Variants in GRIA4 observed in about 807,000 individuals in gnomAD.
The protein encoded by GRIA4 is glutamate ionotropic receptor AMPA type subunit 4.
A neutral mutation model predicts 104.0 loss-of-function variants in GRIA4; 34 were observed. That is an observed-to-expected ratio of 0.33 (90% CI 0.25 to 0.44). The LOEUF is 0.44. Among genes scored for constraint, GRIA4 ranks in the 20% least tolerant of loss-of-function variants. The pLI, the probability that GRIA4 is intolerant of heterozygous loss-of-function variation, is 1.00. For missense variants in GRIA4, 750 were observed against 1,096.5 expected (o/e 0.68, Z 4.46); for synonymous variants, 386 against 381.9 (o/e 1.01, Z -0.13).
chr11:105,917,530 A>C (rs777035060), intron 10 of GRIA4, among the ~76,000 whole-genome samples: 7 of 152,204 alleles, frequency 4.6e-5, no homozygotes, highest in Non-Finnish European at 1.0e-4. Flanking sequence ...CCCAATTATG[A>C]ACTTTCTGGG....
intron 4 of GRIA4, among the ~76,000 whole-genome samples, chr11:105,773,501 AAT>A (rs1250031156): frequency 6.6e-6 from 1 of 152,198 alleles, no homozygotes; most frequent in Non-Finnish European, 1.5e-5. Flanking sequence ...AGAGTTTTAA[AAT>A]ATTACCCTTG....
intron 11 of GRIA4, among the ~76,000 whole-genome samples, chr11:105,919,928 A>G (rs1947513438): frequency 6.6e-6 from 1 of 152,146 alleles, no homozygotes; most frequent in African/African-American, 2.4e-5. Context: ...CTTCTTCAGA[A>G]AACAATAAAG....
At chr11:105,630,928 T>C (rs1273972427) in intron 3 of GRIA4, among the ~76,000 whole-genome samples, 1 of 152,162 alleles carries the variant, frequency 6.6e-6, no homozygotes, top group African/African-American at 2.4e-5. Flanking sequence ...TTATGTCTCA[T>C]GTGGATAATT....
intron 3 of GRIA4, among the ~76,000 whole-genome samples, chr11:105,628,144 G>A (rs551460216): frequency 6.6e-5 from 10 of 152,120 alleles, no homozygotes; most frequent in African/African-American, 2.4e-4. Flanking sequence ...AAAATACAGT[G>A]AGATAGTAAC....
chr11:105,746,479 T>C (rs963004767), intron 3 of GRIA4, among the ~76,000 whole-genome samples: 7 of 151,838 alleles, frequency 4.6e-5, no homozygotes, highest in African/African-American at 1.5e-4. Flanking sequence ...GTTAATTCAG[T>C]TTAAAGGAAT....
chr11:105,708,403 C>T (rs1433684520), intron 3 of GRIA4, among the ~76,000 whole-genome samples: 1 of 151,906 alleles, frequency 6.6e-6, no homozygotes, highest in Non-Finnish European at 1.5e-5. Flanking sequence ...ATAACATTTC[C>T]TCCATAAAAA....
chr11:105,962,914 C>T (rs1158259838), intron 14 of GRIA4, among the ~76,000 whole-genome samples: 1 of 152,098 alleles, frequency 6.6e-6, no homozygotes, highest in Non-Finnish European at 1.5e-5. Flanking sequence ...TATTTTTCTT[C>T]TACACTTATC....
At chr11:105,809,460 T>C (rs1407307330) in intron 4 of GRIA4, among the ~76,000 whole-genome samples, 1 of 152,148 alleles carries the variant, frequency 6.6e-6, no homozygotes, top group Non-Finnish European at 1.5e-5. Flanking sequence ...TGGCTCTGTG[T>C]CCCCACTCAA....
intron 4 of GRIA4, among the ~76,000 whole-genome samples, chr11:105,839,443 CCTT>C (rs1944310643): frequency 3.1e-5 from 1 of 32,398 alleles, no homozygotes; most frequent in East Asian, 7.2e-4. Context: ...ACAGTGACTT[CCTT>C]TTTTTTTTTT....
At chr11:105,882,156 AG>A (rs899313923) in intron 5 of GRIA4, among the ~76,000 whole-genome samples, 1 of 152,222 alleles carries the variant, frequency 6.6e-6, no homozygotes, top group Non-Finnish European at 1.5e-5. Flanking sequence ...ATAAGTTGTC[AG>A]TATCATGGCC....
At chr11:105,970,436 A>G (rs1332688641) in intron 14 of GRIA4, among the ~76,000 whole-genome samples, 3 of 152,198 alleles carry the variant, frequency 2.0e-5, no homozygotes, top group Non-Finnish European at 4.4e-5. Context: ...AAATCATACT[A>G]TCAGGAATCC....
Position 105,924,668 on chromosome 11 carries a change from G to A in GRIA4, c.1746G>A (p.Lys582=), listed in dbSNP as rs1311141463. 6.2e-7 allele frequency: 1 copy of A among 1,612,992 alleles called. No individual in the cohort carries two copies. Among genetic ancestry groups the A allele is most frequent in the Non-Finnish European group, 8.5e-7 (1 of 1,179,424 alleles). Residue 582 remains lysine (K), a synonymous_variant, in exon 12 of 17, where the codon AAG becomes AAA. Transcript: ENST00000282499. ...ACACAGAAGAGCCAGAGGACGGAAAGGAAGGACCCAGCGACCAGCCTCCCA... is the reference window on the plus strand; with the variant it reads ...ACACAGAAGAGCCAGAGGACGGAAAAGAAGGACCCAGCGACCAGCCTCCCA... ...EWHTEEPEDG[K]EGPSDQPPNE...
chr11:105,961,133 T>C (rs1053307701), intron 14 of GRIA4, among the ~76,000 whole-genome samples: 2 of 152,222 alleles, frequency 1.3e-5, no homozygotes, highest in African/African-American at 4.8e-5. Context: ...TCTTATTAAA[T>C]CCTCGACTAT....
chr11:105,721,647 A>G (rs780458573), intron 3 of GRIA4, among the ~76,000 whole-genome samples: 14 of 152,184 alleles, frequency 9.2e-5, no homozygotes, highest in South Asian at 8.3e-4. Flanking sequence ...ACCAAACAGA[A>G]CAGAAAAACT....
At chr11:105,963,853 T>A (rs1195116899) in intron 14 of GRIA4, among the ~76,000 whole-genome samples, 2 of 152,154 alleles carry the variant, frequency 1.3e-5, no homozygotes, top group African/African-American at 4.8e-5. Flanking sequence ...AATAACCCTG[T>A]TAAATAACCC....
intron 3 of GRIA4, among the ~76,000 whole-genome samples, chr11:105,742,712 T>C (rs192800637): frequency 2.0e-5 from 3 of 152,236 alleles, no homozygotes; most frequent in African/African-American, 7.2e-5. Flanking sequence ...CCACATTTTA[T>C]TGGTATCTAA....
intron 4 of GRIA4, among the ~76,000 whole-genome samples, chr11:105,758,027 C>T (rs1938959): frequency 0.14 from 20,716 of 152,040 alleles, 1,552 homozygotes; most frequent in Admixed American, 0.22. Context: ...GAGGATCACT[C>T]AAGGCCAGCA....
At chr11:105,798,575 T>C (rs906297281) in intron 4 of GRIA4, among the ~76,000 whole-genome samples, 1 of 152,186 alleles carries the variant, frequency 6.6e-6, no homozygotes, top group Non-Finnish European at 1.5e-5. Flanking sequence ...GATCTGTCTG[T>C]ATACTAATTA....
chr11:105,855,393 A>G (rs1464356924), intron 4 of GRIA4, among the ~76,000 whole-genome samples: 1 of 152,190 alleles, frequency 6.6e-6, no homozygotes, highest in East Asian at 1.9e-4. Context: ...ATAAAAATAC[A>G]ATGGTTGTTT....
Sources: allele counts gnomAD v4.1 joint callset (sites outside exome capture counted in the v4.1 genomes callset), GRCh38; gene constraint gnomAD v4.1.1; transcripts MANE v1.5; gene names NCBI Gene and HGNC (gene_info 2026-07-23, HGNC 2026-07-21).